The following PHLDB2 variants were observed in gnomAD, a reference collection of about 807,000 sequenced individuals.
PHLDB2 encodes pleckstrin homology like domain family B member 2, also known as pleckstrin homology-like domain family B member 2.
Under a neutral mutation model 123.6 loss-of-function variants are expected in PHLDB2, and 71 were observed. The observed-to-expected ratio is 0.57, with a 90% CI of 0.47 to 0.70. The LOEUF is 0.70. PHLDB2 is among the 30% of genes least tolerant of loss of function. PHLDB2 has a pLI of 0.00. For synonymous variants in PHLDB2, 547 were observed against 541.6 expected (o/e 1.01, Z -0.14); for missense variants, 1,446 against 1,519.5 (o/e 0.95, Z 0.80).
chr3:111,904,955 T>C (rs1041187577), intron 2 of PHLDB2, among the ~76,000 whole-genome samples: 1 of 152,208 alleles, frequency 6.6e-6, no homozygotes, highest in African/African-American at 2.4e-5. Context: ...AGAAATGCAT[T>C]GTTAGATGAT....
intron 8 of PHLDB2, among the ~76,000 whole-genome samples, chr3:111,945,040 T>C (rs1382841657): frequency 6.6e-6 from 1 of 152,206 alleles, no homozygotes; most frequent in East Asian, 1.9e-4. Context: ...TATTAGGAAT[T>C]AAAGGTTATA....
At chr3:111,872,175 C>T (rs1333147132) in intron 1 of PHLDB2, among the ~76,000 whole-genome samples, 1 of 152,202 alleles carries the variant, frequency 6.6e-6, no homozygotes, top group East Asian at 1.9e-4. Flanking sequence ...TTCTCCCAGC[C>T]CATTCTGTGG....
intron 1 of PHLDB2, among the ~76,000 whole-genome samples, chr3:111,820,523 A>G (rs890483887): frequency 6.6e-6 from 1 of 152,142 alleles, no homozygotes; most frequent in Admixed American, 6.5e-5. Context: ...TCCATTCTAC[A>G]CTATATTTAC....
intron 2 of PHLDB2, among the ~76,000 whole-genome samples, chr3:111,847,944 G>T (rs2064072359): frequency 6.6e-6 from 1 of 152,146 alleles, no homozygotes; most frequent in African/African-American, 2.4e-5. Context: ...CTAAGAGGGT[G>T]TCCTTTACTT....
intron 6 of PHLDB2, among the ~76,000 whole-genome samples, chr3:111,933,604 C>T (rs1041833191): frequency 9.9e-5 from 15 of 152,160 alleles, no homozygotes; most frequent in African/African-American, 3.6e-4. Flanking sequence ...TCCCTTTACT[C>T]TTTTTATTGT....
chr3:111,772,638 A>G (rs910363290), intron 1 of PHLDB2, among the ~76,000 whole-genome samples: 4 of 152,200 alleles, frequency 2.6e-5, no homozygotes, highest in Non-Finnish European at 4.4e-5. Context: ...CCAAGTCTAA[A>G]TTATCTTTTT....
At position 111,962,073 on chromosome 3, in the gene PHLDB2, G is replaced by A. The variant is rs764167477; in HGVS notation, c.2873-35G>A. On this transcript the variant is annotated intron_variant, in intron 12 of 17. Coordinates refer to ENST00000431670, the MANE Select transcript of PHLDB2 (RefSeq NM_001134438.2). ...GTTTAAGATTCAAAGACTGAAAAAT[G>A]AGGCAAACTAACATATTTATGGCTC... is the stretch of plus-strand genomic sequence containing the variant. 18 of 1,566,160 alleles carry A rather than the reference G, an allele frequency of 1.1e-5. No individual in the cohort carries two copies. The Admixed American group carries it at 1.2e-4, about 11-fold the overall frequency.
chr3:111,896,984 G>T (rs1320183746), intron 2 of PHLDB2, among the ~76,000 whole-genome samples: 1 of 152,090 alleles, frequency 6.6e-6, no homozygotes, highest in Non-Finnish European at 1.5e-5. Context: ...GTAACATCTT[G>T]CCAAACTATA....
chr3:111,827,774 C>G (rs983234725), intron 1 of PHLDB2, among the ~76,000 whole-genome samples: 8 of 151,672 alleles, frequency 5.3e-5, no homozygotes, highest in African/African-American at 1.9e-4. Context: ...TCATGCTCAC[C>G]CACTTGTTCA....
chr3:111,967,975 CAAAAAAAAAAAA>C lies in PHLDB2; in HGVS notation c.3315+164_3315+175del, dbSNP rs58918022. 43 of 67,802 alleles carry C rather than the reference CAAAAAAAAAAAA, an allele frequency of 6.3e-4. 1 individual carries two copies. Among genetic ancestry groups the C allele is most frequent in the Middle Eastern group, 7.6e-3 (1 of 132 alleles). The allele number at this position is 67,802 out of a possible 1,614,324, so 4.2% of individuals were successfully genotyped here. Reference sequence around the variant, plus strand: ...TAAGAGAAGAGTGTGCATTCCTGTGCAAAAAAAAAAAAAAAAAAAAAAAATGTGAGTTCATTT... The same window carrying C: ...TAAGAGAAGAGTGTGCATTCCTGTGCAAAAAAAAAAAATGTGAGTTCATTT... On this transcript the variant is annotated intron_variant, in intron 15 of 17. Transcript: ENST00000431670.
chr3:111,831,017 G>T (rs1354827992), intron 1 of PHLDB2, among the ~76,000 whole-genome samples: 2 of 109,768 alleles, frequency 1.8e-5, no homozygotes, highest in African/African-American at 8.8e-5. Context: ...AAGAAAGAAA[G>T]AAAGAAAGAA....
At chr3:111,902,354 A>G (rs2067250088) in intron 2 of PHLDB2, among the ~76,000 whole-genome samples, 1 of 152,200 alleles carries the variant, frequency 6.6e-6, no homozygotes, top group Non-Finnish European at 1.5e-5. Flanking sequence ...GCACTTTGGG[A>G]GGCCAAGGTG....
chr3:111,804,369 A>G (rs945883602), intron 1 of PHLDB2, among the ~76,000 whole-genome samples: 3 of 152,234 alleles, frequency 2.0e-5, no homozygotes, highest in African/African-American at 7.2e-5. Context: ...TCATCTCTTA[A>G]CTATTAGAGG....
intron 1 of PHLDB2, among the ~76,000 whole-genome samples, chr3:111,806,719 C>T (rs950366786): frequency 2.0e-5 from 3 of 152,082 alleles, no homozygotes; most frequent in South Asian, 2.1e-4. Context: ...CTCCTGACCT[C>T]AGGTGATCCG....
intron 2 of PHLDB2, chr3:111,911,681 C>A: frequency 6.5e-7 from 1 of 1,536,220 alleles, no homozygotes; most frequent in Non-Finnish European, 8.7e-7. Context: ...GCCATGAGGA[C>A]GGAGCTGCAG....
chr3:111,801,839 G>T (rs551455796), intron 1 of PHLDB2, among the ~76,000 whole-genome samples: 3 of 151,912 alleles, frequency 2.0e-5, no homozygotes, highest in Non-Finnish European at 2.9e-5. Context: ...GGACTGGGAG[G>T]AGGGAAGAGT....
chr3:111,940,568 C>G lies in PHLDB2; in HGVS notation c.2320C>G (p.His774Asp), dbSNP rs1304285420. 1 of 1,600,602 alleles carries G rather than the reference C, an allele frequency of 6.2e-7. No homozygotes were observed. The highest frequency in any genetic ancestry group is 8.5e-7 in the Non-Finnish European group (1 of 1,174,352). Residue 774 changes from histidine (H) to aspartate (D), a missense_variant, in exon 8 of 18, where the codon CAC (histidine) becomes GAC (aspartate). By Grantham distance (81) the His-to-Asp change is moderately conservative. Transcript: ENST00000431670. ...TTCTGCATTGAAAAAGCAAGCCAATCACATTGTTCAGCAGGCTCAGAGAGA... is the reference window on the plus strand; with the variant it reads ...TTCTGCATTGAAAAAGCAAGCCAATGACATTGTTCAGCAGGCTCAGAGAGA... ...KISALKKQAN[H>D]IVQQAQREQD...
At chr3:111,835,028 A>C (rs982119369) in intron 1 of PHLDB2, among the ~76,000 whole-genome samples, 7 of 152,152 alleles carry the variant, frequency 4.6e-5, no homozygotes, top group Non-Finnish European at 1.0e-4. Context: ...ACTATGCTTC[A>C]AGATCCCTCA....
At chr3:111,895,304 A>T (rs904580167) in intron 2 of PHLDB2, among the ~76,000 whole-genome samples, 34 of 152,300 alleles carry the variant, frequency 2.2e-4, no homozygotes, top group African/African-American at 7.2e-4. Flanking sequence ...AATTTGAGAG[A>T]TGTATGTTCT....
Sources: gnomAD v4.1 joint callset for allele counts (sites outside exome capture counted in the v4.1 genomes callset) on GRCh38, gnomAD v4.1.1 for gene constraint, MANE v1.5 for transcripts, NCBI Gene and HGNC (gene_info 2026-07-23, HGNC 2026-07-21) for gene names.